FRMPD4: variants seen among roughly 807,000 people sequenced by gnomAD.
FRMPD4 encodes FERM and PDZ domain containing 4, also known as FERM and PDZ domain-containing protein 4.
A neutral mutation model predicts 94.1 loss-of-function variants in FRMPD4; 22 were observed. The observed-to-expected ratio is 0.23, with a 90% confidence interval of 0.17 to 0.33. The LOEUF is 0.33. FRMPD4 is among the 10% of genes least tolerant of loss of function. The pLI, the probability that FRMPD4 is intolerant of heterozygous loss-of-function variation, is 1.00. For missense variants in FRMPD4, 1,111 were observed against 1,339.9 expected (o/e 0.83, Z 2.67); for synonymous variants, 631 against 548.6 (o/e 1.15, Z -2.10).
At chrX:12,629,821 C>T (rs73446881) in intron 4 of FRMPD4, among the ~76,000 whole-genome samples, 3,498 of 112,123 alleles carry the variant, frequency 0.031, 134 homozygotes, top group African/African-American at 0.11. Context: ...AGTTAGGTCA[C>T]TGTGTCAGAT....
intron 3 of FRMPD4, among the ~76,000 whole-genome samples, chrX:11,915,012 G>A (rs1185741929): frequency 9.0e-6 from 1 of 111,696 alleles, no homozygotes; most frequent in Non-Finnish European, 1.9e-5. Context: ...ATTTTTTAGG[G>A]ATAAAAGAGA....
chrX:12,285,503 A>G (rs914297739), intron 1 of FRMPD4, among the ~76,000 whole-genome samples: 2 of 111,143 alleles, frequency 1.8e-5, no homozygotes, highest in Non-Finnish European at 3.8e-5. Flanking sequence ...GAGCAAACAC[A>G]TAGAAATATT....
intron 1 of FRMPD4, among the ~76,000 whole-genome samples, chrX:12,461,886 G>A (rs972060699): frequency 3.6e-5 from 4 of 111,491 alleles, no homozygotes; most frequent in African/African-American, 1.3e-4. Context: ...CCCTGTAACT[G>A]TGAGTTTTGG....
chrX:12,503,814 A>G (rs1210389945), intron 2 of FRMPD4, among the ~76,000 whole-genome samples: 1 of 111,961 alleles, frequency 8.9e-6, no homozygotes, highest in Non-Finnish European at 1.9e-5. Flanking sequence ...TTCTAGGGCT[A>G]TTCTTTGGAT....
At chrX:12,382,906 G>A (rs1166941439) in intron 1 of FRMPD4, among the ~76,000 whole-genome samples, 1 of 112,181 alleles carries the variant, frequency 8.9e-6, no homozygotes, top group East Asian at 2.8e-4. Flanking sequence ...GCCCAAAACA[G>A]GGCTGTAAAC....
At chrX:12,545,945 C>T (rs1043120807) in intron 2 of FRMPD4, among the ~76,000 whole-genome samples, 6 of 112,398 alleles carry the variant, frequency 5.3e-5, no homozygotes, top group Non-Finnish European at 1.1e-4. Flanking sequence ...TGGTTTTTAT[C>T]GTGCAACAGT....
intron 1 of FRMPD4, among the ~76,000 whole-genome samples, chrX:11,847,424 A>G (rs1305092467): frequency 9.4e-6 from 1 of 106,244 alleles, no homozygotes; most frequent in African/African-American, 3.5e-5. Context: ...ACACTTTTAC[A>G]CTGTTGGTGG....
intron 1 of FRMPD4, among the ~76,000 whole-genome samples, chrX:11,826,176 C>A (rs2053442679): frequency 9.0e-6 from 1 of 111,697 alleles, no homozygotes; most frequent in Admixed American, 9.5e-5. Flanking sequence ...TTTGGATAGT[C>A]CAGGACTCAT....
intron 1 of FRMPD4, among the ~76,000 whole-genome samples, chrX:12,463,628 T>G (rs2057413790): frequency 9.3e-6 from 1 of 107,268 alleles, no homozygotes; most frequent in African/African-American, 3.4e-5. Flanking sequence ...CATGCTTCCT[T>G]CATTACTTCT....
chrX:12,553,862 G>T (rs1355689834), intron 2 of FRMPD4, among the ~76,000 whole-genome samples: 1 of 111,904 alleles, frequency 8.9e-6, no homozygotes, highest in Non-Finnish European at 1.9e-5. Flanking sequence ...TTTCTGCATT[G>T]ACTTCAAGAA....
chrX:11,896,930 G>A (rs1341158320), intron 3 of FRMPD4, among the ~76,000 whole-genome samples: 2 of 111,411 alleles, frequency 1.8e-5, no homozygotes, highest in Non-Finnish European at 3.8e-5. Flanking sequence ...AGCTCCCAGG[G>A]GATGCCAATG....
At chrX:12,578,555 G>GAT (rs57020025) in intron 2 of FRMPD4, among the ~76,000 whole-genome samples, 14 of 110,082 alleles carry the variant, frequency 1.3e-4, no homozygotes, top group Non-Finnish European at 2.5e-4. Context: ...TGTATTCTGA[G>GAT]ATATATATAT....
intron 1 of FRMPD4, among the ~76,000 whole-genome samples, chrX:12,303,779 A>G (rs1238358956): frequency 8.9e-6 from 1 of 112,468 alleles, no homozygotes; most frequent in Admixed American, 9.4e-5. Context: ...ATGAAAGGAA[A>G]CCAAAAAGAT....
chrX:12,473,103 A>T (rs1225086094), intron 1 of FRMPD4, among the ~76,000 whole-genome samples: 1 of 111,109 alleles, frequency 9.0e-6, no homozygotes, highest in Non-Finnish European at 1.9e-5. Flanking sequence ...CATCAGACTA[A>T]CAGCTGATCT....
chrX:12,019,873 C>T (rs1487037058), intron 3 of FRMPD4, among the ~76,000 whole-genome samples: 1 of 112,129 alleles, frequency 8.9e-6, no homozygotes, highest in Non-Finnish European at 1.9e-5. Context: ...TTTTTAAGCA[C>T]TCACTATGTG....
chrX:12,187,014 G>A (rs1366608155), intron 1 of FRMPD4, among the ~76,000 whole-genome samples: 2 of 112,374 alleles, frequency 1.8e-5, no homozygotes, highest in African/African-American at 6.5e-5. Context: ...TAGAAAATGT[G>A]ACATAATTTT....
chrX:12,716,132 C>A lies in FRMPD4; in HGVS notation c.1673C>A (p.Thr558Asn), dbSNP rs1444352772. ...GPDWNCIPQM[T>N]TFIGEGEQEA... Reference sequence around the variant, plus strand: ...GATTGGAACTGTATACCCCAAATGACCACCTTTATTGGCGAAGGGGAACAA... The same window carrying A: ...GATTGGAACTGTATACCCCAAATGAACACCTTTATTGGCGAAGGGGAACAA... Residue 558 changes from threonine to asparagine, a missense_variant, in exon 15 of 17, where the codon ACC (threonine) becomes AAC (asparagine). Physicochemically the swap from Thr to Asn is moderately conservative, Grantham distance 65. Coordinates refer to ENST00000675598, the MANE Select transcript of FRMPD4 (RefSeq NM_001368397.1). 1.7e-6 allele frequency: 2 copies of A among 1,203,342 alleles called. No homozygotes were observed. Among genetic ancestry groups the A allele is most frequent in the South Asian group, 1.8e-5 (1 of 56,227 alleles).
intron 2 of FRMPD4, among the ~76,000 whole-genome samples, chrX:12,558,909 C>T (rs1162240296): frequency 1.8e-5 from 2 of 111,666 alleles, no homozygotes; most frequent in African/African-American, 6.5e-5. Context: ...AGATGCTGTC[C>T]CTTAAAATAA....
At chrX:11,852,455 A>G (rs974865101) in intron 1 of FRMPD4, among the ~76,000 whole-genome samples, 1 of 108,785 alleles carries the variant, frequency 9.2e-6, no homozygotes, top group Non-Finnish European at 1.9e-5. Flanking sequence ...AAAAAAAAAA[A>G]AAAAAAGAAA....
Sources: allele counts gnomAD v4.1 joint callset (sites outside exome capture counted in the v4.1 genomes callset), GRCh38; gene constraint gnomAD v4.1.1; transcripts MANE v1.5; gene names NCBI Gene and HGNC (gene_info 2026-07-23, HGNC 2026-07-21).